DNAH17: variants seen among roughly 807,000 people sequenced by gnomAD.
DNAH17 encodes dynein axonemal heavy chain 17, also known as axonemal beta dynein heavy chain 17.
A neutral mutation model predicts 485.6 loss-of-function variants in DNAH17; 376 were observed. The ratio of observed to expected loss-of-function variants is 0.77; its 90% confidence interval spans 0.71 to 0.84. The LOEUF (loss-of-function observed/expected upper bound fraction) is 0.84. DNAH17 is among the 40% of genes least tolerant of loss of function. The pLI, the probability that DNAH17 is intolerant of heterozygous loss-of-function variation, is 0.00. For synonymous variants in DNAH17, 3,031 were observed against 2,405.9 expected (o/e 1.26, Z -7.60); for missense variants, 6,370 against 5,839.3 (o/e 1.09, Z -2.96).
chr17:78,505,372 G>A lies in DNAH17; in HGVS notation c.4877C>T (p.Pro1626Leu), dbSNP rs2090453676. The change falls in exon 31 of 81, where the codon CCT (proline) becomes CTT (leucine). Residue 1626 changes from proline to leucine, a missense_variant. Coordinates refer to ENST00000389840, the MANE Select transcript of DNAH17 (RefSeq NM_173628.4). ...GTACATTCCCAGGCCCACCTTGAGA[G>A]GTTTGTCACTGGCATCGAGCCGGAA... ...LKFRLDASDK[P>L]LKVGLGMYSK... 1 of 1,613,894 alleles carries A rather than the reference G, an allele frequency of 6.2e-7. No homozygotes were observed. Among genetic ancestry groups the A allele is most frequent in the African/African-American group, 1.3e-5 (1 of 74,926 alleles).
intron 2 of DNAH17, among the ~76,000 whole-genome samples, chr17:78,574,373 C>T (rs2092403736): frequency 6.6e-6 from 1 of 152,030 alleles, no homozygotes; most frequent in Non-Finnish European, 1.5e-5. Flanking sequence ...TGTGGTGGTG[C>T]ATGCCTGTGG....
intron 35 of DNAH17, chr17:78,500,881 T>C (rs905904622): frequency 3.7e-6 from 1 of 271,772 alleles, no homozygotes; most frequent in African/African-American, 2.2e-5. Flanking sequence ...CAGGTGCCTT[T>C]CCCACCTGTG....
At chr17:78,443,756 C>T (rs577777047) in intron 71 of DNAH17, among the ~76,000 whole-genome samples, 1 of 152,092 alleles carries the variant, frequency 6.6e-6, no homozygotes, top group African/African-American at 2.4e-5. Flanking sequence ...CACTATGTTT[C>T]CCAGGCTGGT....
rs141382100 is a variant in DNAH17, at chr17:78,456,821, G to GA, written c.9978-986dup. On this transcript the variant is annotated intron_variant, in intron 62 of 80. Transcript: ENST00000389840. ...TCCCTCATACCCGGGGCACCACCCTGAAGACCAGCCTCATGCAGCCTGGGG... is the reference window on the plus strand; with the variant it reads ...TCCCTCATACCCGGGGCACCACCCTGAAAGACCAGCCTCATGCAGCCTGGGG... 7.5e-3 allele frequency among the ~76,000 whole-genome samples: 1,142 copies of GA among 152,352 alleles called. 17 individuals carry two copies. The highest frequency in any genetic ancestry group is 0.025 in the African/African-American group (1,048 of 41,572).
chr17:78,488,710 G>A (rs888276790), intron 44 of DNAH17, among the ~76,000 whole-genome samples: 4 of 152,202 alleles, frequency 2.6e-5, no homozygotes, highest in African/African-American at 9.7e-5. Flanking sequence ...ATTAGCAGAT[G>A]TCATCAAGGA....
chr17:78,492,564 G>C, intron 42 of DNAH17, 69 bp downstream of exon 42: 1 of 1,583,616 alleles, frequency 6.3e-7, no homozygotes, highest in African/African-American at 1.3e-5. Context: ...CGTGGGAACG[G>C]CTGAGCACAC....
At chr17:78,454,959 G>C (rs903993466) in intron 63 of DNAH17, among the ~76,000 whole-genome samples, 4 of 152,052 alleles carry the variant, frequency 2.6e-5, no homozygotes, top group African/African-American at 9.7e-5. Context: ...ACCCAGGCTG[G>C]AGTGCAGTGG....
rs746945369 is a variant in DNAH17, at chr17:78,514,850, G to A, written c.4037C>T (p.Ser1346Phe). ...CTGCAGCTCGCTCACGGCACGCAGGGACGTGATCACGTTTTTCACGGTGTT... is the reference window on the plus strand; with the variant it reads ...CTGCAGCTCGCTCACGGCACGCAGGAACGTGATCACGTTTTTCACGGTGTT... ...LDNTVKNVIT[S>F]LRAVSELQNP... Residue 1346 changes from serine to phenylalanine, a missense_variant, in exon 26 of 81, where the codon TCC becomes TTC. Coordinates refer to ENST00000389840, the MANE Select transcript of DNAH17 (RefSeq NM_173628.4). The A allele has an allele frequency of 1.8e-5, 29 of 1,613,946 alleles. No individual in the cohort carries two copies. The highest frequency in any genetic ancestry group is 2.3e-5 in the Non-Finnish European group (27 of 1,179,910).
Position 78,424,076 on chromosome 17 carries a change from A to G in DNAH17, c.13219T>C (p.Phe4407Leu). The stretch of plus-strand genomic sequence containing the variant: ...CGGTCCACAGGAATGGCCTTGATGA[A>G]GATGACAGGCATGGCCGGGGTCAGC... ...KELTPAMPVI[F>L]IKAIPVDRME... The change falls in exon 81 of 81, where the codon TTC (phenylalanine) becomes CTC (leucine). Residue 4407 changes from phenylalanine (F) to leucine (L), a missense_variant. By Grantham distance (22) the Phe-to-Leu change is conservative (BLOSUM62 0). Coordinates refer to ENST00000389840, the MANE Select transcript of DNAH17 (RefSeq NM_173628.4). The G allele has an allele frequency of 1.2e-6, 2 of 1,614,028 alleles. No homozygotes were observed. The highest frequency in any genetic ancestry group is 1.7e-6 in the Non-Finnish European group (2 of 1,179,882).
chr17:78,535,988 G>C lies in DNAH17; in HGVS notation c.2859+1311C>G, dbSNP rs560592047. 8.5e-5 allele frequency among the ~76,000 whole-genome samples: 13 copies of C among 152,228 alleles called. No individual in the cohort carries two copies. In the South Asian group the frequency reaches 2.7e-3, roughly 32 times the overall value. Reference sequence around the variant, plus strand: ...CCACCTCAAACCTCCCTTAAGCGGGGAGCTGAATTTCCCATGACTTTTGTT... The same window carrying C: ...CCACCTCAAACCTCCCTTAAGCGGGCAGCTGAATTTCCCATGACTTTTGTT... On this transcript the variant is annotated intron_variant, in intron 19 of 80. Coordinates refer to ENST00000389840, the MANE Select transcript of DNAH17 (RefSeq NM_173628.4).
At position 78,452,093 on chromosome 17, in the gene DNAH17, T is replaced by TC. The variant is rs201483681; in HGVS notation, c.10530-421dup. Among the ~76,000 whole-genome samples the TC allele has an allele frequency of 5.2e-3, 784 of 151,850 alleles. 15 individuals are homozygous for TC. Among genetic ancestry groups the TC allele is most frequent in the African/African-American group, 0.018 (759 of 41,382 alleles). On this transcript the variant is annotated intron_variant, in intron 65 of 80. Transcript: ENST00000389840. ...TTCTCTCCGGCTCTACACCCTGCTG[T>TC]CCCCTCTTTGTAGCTGGGCTCACTT...
chr17:78,485,839 G>T, intron 46 of DNAH17, 82 bp from the exon 47 acceptor site: 1 of 1,575,292 alleles, frequency 6.3e-7, no homozygotes, highest in South Asian at 1.2e-5. Flanking sequence ...ATGTTCTACC[G>T]AACAGGTCCT....
intron 16 of DNAH17, 98 bp from the exon 17 acceptor site, chr17:78,544,095 CT>C: frequency 5.9e-6 from 9 of 1,534,170 alleles, no homozygotes; most frequent in Non-Finnish European, 8.0e-6. Flanking sequence ...TTCGTCACTG[CT>C]GCCTGATCTT....
intron 1 of DNAH17, among the ~76,000 whole-genome samples, chr17:78,575,537 A>G (rs534858840): frequency 1.8e-4 from 28 of 152,338 alleles, no homozygotes; most frequent in African/African-American, 5.8e-4. Context: ...AGAAGGAAGC[A>G]GACCCCACGT....
At chr17:78,505,950 C>T (rs1328053125) in intron 30 of DNAH17, among the ~76,000 whole-genome samples, 1 of 152,020 alleles carries the variant, frequency 6.6e-6, no homozygotes, top group African/African-American at 2.4e-5. Context: ...TGCACTCCAG[C>T]CTGGGCAACA....
chr17:78,508,037 T>A (rs545914408), intron 27 of DNAH17, among the ~76,000 whole-genome samples: 3 of 152,184 alleles, frequency 2.0e-5, no homozygotes, highest in African/African-American at 7.2e-5. Flanking sequence ...AGGAATGAAG[T>A]ACAGACACCT....
At chr17:78,523,736 T>C (rs891972068) in intron 25 of DNAH17, among the ~76,000 whole-genome samples, 25 of 152,276 alleles carry the variant, frequency 1.6e-4, no homozygotes, top group Non-Finnish European at 3.2e-4. Flanking sequence ...CAAGATTCCA[T>C]CTCTACATAG....
At position 78,465,373 on chromosome 17, in the gene DNAH17, G is replaced by C. The variant is rs1206377168; in HGVS notation, c.8940+1282C>G. On this transcript the variant is annotated intron_variant, in intron 56 of 80. Coordinates refer to ENST00000389840, the MANE Select transcript of DNAH17 (RefSeq NM_173628.4). The stretch of plus-strand genomic sequence containing the variant: ...CCACCCCGTCTGGGAAGTGAGGAGC[G>C]TCTCTGCCTGGCCGCCCATCATCTG... Among the ~76,000 whole-genome samples the C allele has an allele frequency of 1.6e-4, 24 of 151,484 alleles. No homozygotes were observed. In the East Asian group the frequency reaches 4.5e-3, roughly 28 times the overall value.
At chr17:78,561,282 C>T (rs2092148577) in intron 12 of DNAH17, among the ~76,000 whole-genome samples, 1 of 151,802 alleles carries the variant, frequency 6.6e-6, no homozygotes, top group African/African-American at 2.4e-5. Context: ...CCCAAACAAC[C>T]ACATAAAAGG....
Sources: gnomAD v4.1 joint callset for allele counts (sites outside exome capture counted in the v4.1 genomes callset) on GRCh38, gnomAD v4.1.1 for gene constraint, MANE v1.5 for transcripts, NCBI Gene and HGNC (gene_info 2026-07-23, HGNC 2026-07-21) for gene names.